The following ANKMY2 variants were observed in gnomAD, a reference collection of about 807,000 sequenced individuals.
ANKMY2 encodes the protein ankyrin repeat and MYND domain-containing protein 2.
ANKMY2 carries 36 observed loss-of-function variants against 50.4 expected under a neutral mutation model. The ratio of observed to expected loss-of-function variants is 0.71; its 90% CI spans 0.55 to 0.94. The LOEUF (loss-of-function observed/expected upper bound fraction) is 0.94. Among genes scored for constraint, ANKMY2 ranks in the 40% least tolerant of loss-of-function variants. The pLI is 0.00. For synonymous variants in ANKMY2, 187 were observed against 178.8 expected, an observed-to-expected ratio of 1.05 and a Z score of -0.36; for missense variants, 565 against 524.0, an observed-to-expected ratio of 1.08 and a Z score of -0.76.
intron 3 of ANKMY2, among the ~76,000 whole-genome samples, chr7:16,626,088 C>A (rs1031510762): frequency 4.0e-5 from 6 of 150,294 alleles, no homozygotes; most frequent in Admixed American, 6.7e-5. Flanking sequence ...CTCAAAAATC[C>A]TCCTGCCACA....
Position 16,610,736 on chromosome 7 carries a change from G to C in ANKMY2, c.559C>G (p.Leu187Val). The C allele has an allele frequency of 6.2e-7, 1 of 1,613,876 alleles. No homozygotes were observed. ...KIVMLVNENPLLTEEAALNKC... is the reference protein window; with the variant it reads ...KIVMLVNENPVLTEEAALNKC... ...TTCAGGGCTGCTTCTTCTGTCAGCA[G>C]AGGATTCTCATTTACAAGCATCACG... Residue 187 changes from leucine (L) to valine (V), a missense_variant, in exon 6 of 10, where the codon CTG becomes GTG. By Grantham distance (32) the Leu-to-Val change is conservative. Coordinates refer to ENST00000306999, the MANE Select transcript of ANKMY2 (RefSeq NM_020319.3).
chr7:16,615,612 C>A (rs972544260), intron 5 of ANKMY2, 132 bp downstream of exon 5: 1 of 1,100,878 alleles, frequency 9.1e-7, no homozygotes, highest in South Asian at 1.5e-5. Flanking sequence ...AATTAACAGG[C>A]CAAAAGAGCC....
At chr7:16,644,012 G>A (rs1037960661) in intron 1 of ANKMY2, among the ~76,000 whole-genome samples, 4 of 152,204 alleles carry the variant, frequency 2.6e-5, no homozygotes, top group Admixed American at 2.0e-4. Flanking sequence ...GAGAGAGAGA[G>A]AGAAAGAGAC....
At chr7:16,622,008 G>C (rs1781442796) in intron 4 of ANKMY2, among the ~76,000 whole-genome samples, 1 of 150,404 alleles carries the variant, frequency 6.6e-6, no homozygotes, top group Non-Finnish European at 1.5e-5. Flanking sequence ...AATTTCCTAT[G>C]GTAAAGGTCT....
intron 4 of ANKMY2, among the ~76,000 whole-genome samples, chr7:16,622,531 G>C (rs1474577996): frequency 1.3e-5 from 2 of 152,076 alleles, no homozygotes; most frequent in East Asian, 1.9e-4. Context: ...AAGGTCAGGA[G>C]TTCAAGACCA....
At chr7:16,624,888 A>T (rs1321152068) in intron 4 of ANKMY2, 95 bp downstream of exon 4, 2 of 1,017,698 alleles carry the variant, frequency 2.0e-6, no homozygotes, top group African/African-American at 1.6e-5. Context: ...TTAAAGCAAC[A>T]TGATAATATT....
At chr7:16,610,898 GT>G in intron 5 of ANKMY2, 135 bp from the exon 6 acceptor site, 1 of 747,728 alleles carries the variant, frequency 1.3e-6, no homozygotes, top group Non-Finnish European at 2.1e-6. Context: ...TATGTTATTT[GT>G]TAGAATGCAA....
chr7:16,640,120 C>T (rs545160057), intron 1 of ANKMY2, among the ~76,000 whole-genome samples: 51 of 152,130 alleles, frequency 3.4e-4, no homozygotes, highest in African/African-American at 9.6e-4. Flanking sequence ...GAGTCAAGAT[C>T]GCGCCACTGC....
intron 4 of ANKMY2, among the ~76,000 whole-genome samples, 185 bp from the exon 5 acceptor site, chr7:16,616,089 T>C (rs1039417248): frequency 2.6e-5 from 4 of 152,186 alleles, no homozygotes; most frequent in African/African-American, 9.7e-5. Flanking sequence ...TAAACATTCC[T>C]TGTAAAGTTG....
chr7:16,618,677 C>A (rs1304900096), intron 4 of ANKMY2, among the ~76,000 whole-genome samples: 1 of 151,968 alleles, frequency 6.6e-6, no homozygotes, highest in Admixed American at 6.6e-5. Context: ...TGAAATGAGC[C>A]AAGGTGCTCT....
intron 4 of ANKMY2, 112 bp downstream of exon 4, chr7:16,624,871 A>C: frequency 1.2e-6 from 1 of 846,496 alleles, no homozygotes; most frequent in Non-Finnish European, 1.9e-6. Flanking sequence ...TAAATACTTA[A>C]GTTTTTTTAA....
intron 7 of ANKMY2, among the ~76,000 whole-genome samples, chr7:16,607,017 G>C (rs571612318): frequency 3.6e-4 from 55 of 152,222 alleles, no homozygotes; most frequent in African/African-American, 1.3e-3. Flanking sequence ...GAGAACCATC[G>C]TATGCGGGGA....
intron 1 of ANKMY2, among the ~76,000 whole-genome samples, chr7:16,643,097 T>A (rs1781766659): frequency 6.6e-6 from 1 of 152,204 alleles, no homozygotes; most frequent in South Asian, 2.1e-4. Context: ...TACTAACTAC[T>A]TTCATCCCCA....
At chr7:16,602,309 AGT>A in intron 9 of ANKMY2, 69 bp downstream of exon 9, 1 of 1,540,412 alleles carries the variant, frequency 6.5e-7, no homozygotes, top group Non-Finnish European at 8.7e-7. Context: ...ACGCAGTTTC[AGT>A]GTGTTAAGAT....
intron 4 of ANKMY2, among the ~76,000 whole-genome samples, chr7:16,619,111 A>G (rs1379073989): frequency 6.6e-6 from 1 of 152,180 alleles, no homozygotes; most frequent in Non-Finnish European, 1.5e-5. Flanking sequence ...TAATTGCTAC[A>G]TAACAAAGAT....
In ANKMY2 at chr7:16,630,703, T is replaced by C. The variant is rs77162725; in HGVS notation, c.133-3525A>G. On this transcript the variant is annotated intron_variant, in intron 2 of 9. Transcript: ENST00000306999. ...GGGACTTACAGTACAGGTGACTAGA[T>C]GGATGGTGATACAAGTGCTGGAAGA... 5.4e-3 allele frequency among the ~76,000 whole-genome samples: 815 copies of C among 152,240 alleles called. 5 individuals carry two copies. Among genetic ancestry groups the C allele is most frequent in the African/African-American group, 0.019 (769 of 41,532 alleles).
chr7:16,643,044 A>C (rs1322398380), intron 1 of ANKMY2, among the ~76,000 whole-genome samples: 3 of 152,182 alleles, frequency 2.0e-5, no homozygotes, highest in Admixed American at 1.3e-4. Flanking sequence ...GAAGATTACT[A>C]TATTTATCAC....
intron 4 of ANKMY2, among the ~76,000 whole-genome samples, chr7:16,619,253 A>G (rs1781400503): frequency 6.6e-6 from 1 of 151,654 alleles, no homozygotes. Flanking sequence ...TCCTAGGCTC[A>G]AGGGATTCTC....
intron 2 of ANKMY2, among the ~76,000 whole-genome samples, chr7:16,632,092 C>G (rs1306059170): frequency 3.6e-5 from 5 of 139,036 alleles, no homozygotes; most frequent in African/African-American, 1.3e-4. Context: ...TTCCCCCCGT[C>G]TTTCCTTCCT....
Sources: gnomAD v4.1 joint callset for allele counts (sites outside exome capture counted in the v4.1 genomes callset) on GRCh38, gnomAD v4.1.1 for gene constraint, MANE v1.5 for transcripts, NCBI Gene and HGNC (gene_info 2026-07-23, HGNC 2026-07-21) for gene names.